Variants in COL10A1 observed in about 807,000 individuals in gnomAD.
COL10A1 encodes the protein collagen alpha-1(X) chain.
A neutral mutation model predicts 18.2 loss-of-function variants in COL10A1; 10 were observed. That is an observed-to-expected ratio of 0.55 (90% CI 0.34 to 0.93). COL10A1 has a LOEUF of 0.93. COL10A1 is among the 40% of genes least tolerant of loss of function. The pLI is 0.02. For missense variants in COL10A1, 897 were observed against 853.5 expected (o/e 1.05, Z -0.64); for synonymous variants, 330 against 316.6 (o/e 1.04, Z -0.45).
upstream of COL10A1, among the ~76,000 whole-genome samples, chr6:116,128,714 G>A (rs1420024110): frequency 6.6e-6 from 1 of 152,006 alleles, no homozygotes; most frequent in Non-Finnish European, 1.5e-5. Context: ...CCCCACTCCT[G>A]CTGTCCTGAG....
the COL10A1 span, among the ~76,000 whole-genome samples, chr6:116,180,797 G>A: frequency 6.6e-6 from 1 of 152,036 alleles, no homozygotes; most frequent in Non-Finnish European, 1.5e-5. Flanking sequence ...AAAGAAAAAA[G>A]AATGAAGGAG....
At chr6:116,129,152 T>G (rs913234142), upstream of COL10A1, among the ~76,000 whole-genome samples, 12 of 152,182 alleles carry the variant, frequency 7.9e-5, no homozygotes, top group Admixed American at 7.9e-4. Flanking sequence ...GTCATCATCG[T>G]ATTAAAAAAT....
the COL10A1 span, among the ~76,000 whole-genome samples, chr6:116,198,193 G>A: frequency 6.6e-6 from 1 of 152,052 alleles, no homozygotes; most frequent in Non-Finnish European, 1.5e-5. Flanking sequence ...ACTGAGTAGT[G>A]AACAACAGTT....
upstream of COL10A1, among the ~76,000 whole-genome samples, chr6:116,128,314 T>G (rs891969036): frequency 1.3e-5 from 2 of 152,156 alleles, no homozygotes; most frequent in Non-Finnish European, 2.9e-5. Context: ...CAAAACAGAT[T>G]GTAGAATCAG....
intron 1 of COL10A1, among the ~76,000 whole-genome samples, chr6:116,144,654 T>A (rs1779850844): frequency 6.6e-6 from 1 of 152,200 alleles, no homozygotes; most frequent in Admixed American, 6.5e-5. Context: ...AAACGGACTC[T>A]TAGATTTTAT....
chr6:116,174,275 A>T, the COL10A1 span, among the ~76,000 whole-genome samples: 36 of 152,278 alleles, frequency 2.4e-4, no homozygotes, highest in African/African-American at 8.7e-4. Flanking sequence ...CACTCTCAAG[A>T]GTGACGGGTA....
At chr6:116,147,625 C>G (rs1562138539) in intron 1 of COL10A1, among the ~76,000 whole-genome samples, 1 of 151,972 alleles carries the variant, frequency 6.6e-6, no homozygotes, top group Non-Finnish European at 1.5e-5. Flanking sequence ...TAAACCTATG[C>G]AAAGATTTAG....
chr6:116,145,349 G>T (rs1268105692), intron 1 of COL10A1: 5 of 266,170 alleles, frequency 1.9e-5, no homozygotes, highest in Non-Finnish European at 2.6e-5. Context: ...TCTATGAAAT[G>T]CTAAAAAAAA....
Position 116,120,408 on chromosome 6 carries a change from G to T in COL10A1, c.1708C>A (p.Pro570Thr), listed in dbSNP as rs763199318. 4.4e-5 allele frequency: 71 copies of T among 1,614,166 alleles called. No individual in the cohort carries two copies. Among genetic ancestry groups the T allele is most frequent in the Non-Finnish European group, 5.9e-5 (70 of 1,180,056 alleles). The change falls in exon 3 of 3, where the codon CCA becomes ACA. Residue 570 changes from proline (P) to threonine (T), a missense_variant. Coordinates refer to ENST00000651968, the MANE Select transcript of COL10A1 (RefSeq NM_000493.4). ...KAYPAIGTPIPFDKILYNRQQ... is the reference protein window; with the variant it reads ...KAYPAIGTPITFDKILYNRQQ... The stretch of plus-strand genomic sequence containing the variant: ...CTGTTATACAAAATTTTATCAAATG[G>T]TATGGGAGTTCCTATTGCTGGGTAA...
chr6:116,193,177 G>A, the COL10A1 span, among the ~76,000 whole-genome samples: 3 of 151,938 alleles, frequency 2.0e-5, no homozygotes, highest in Non-Finnish European at 4.4e-5. Context: ...TGGCCTTTTA[G>A]TTTATTTGTG....
In COL10A1 at chr6:116,121,902, C is replaced by T; in HGVS notation, c.214G>A (p.Gly72Arg). The T allele has an allele frequency of 1.2e-6, 2 of 1,613,900 alleles. No homozygotes were observed. The highest frequency in any genetic ancestry group is 1.7e-6 in the Non-Finnish European group (2 of 1,179,996). The change falls in exon 3 of 3, where the codon GGG becomes AGG. Residue 72 changes from glycine to arginine, a missense_variant. Transcript: ENST00000651968. ...GGTGGTCCAGAAGGACCTGGGTGCCCTCGAGGTCCAGCAGGGCCTGGTGGA... is the reference window on the plus strand; with the variant it reads ...GGTGGTCCAGAAGGACCTGGGTGCCTTCGAGGTCCAGCAGGGCCTGGTGGA... ...PGPPGPAGPR[G>R]HPGPSGPPGK... is the part of the protein sequence containing the mutation.
At chr6:116,129,970 C>CTTTA (rs1383379575), upstream of COL10A1, among the ~76,000 whole-genome samples, 2 of 152,098 alleles carry the variant, frequency 1.3e-5, no homozygotes, top group African/African-American at 4.8e-5. Flanking sequence ...GGCAAGAACC[C>CTTTA]TTTACAGAGA....
At chr6:116,130,375 T>C (rs1340879625), upstream of COL10A1, among the ~76,000 whole-genome samples, 1 of 152,142 alleles carries the variant, frequency 6.6e-6, no homozygotes, top group Non-Finnish European at 1.5e-5. Context: ...TCAGAATTTT[T>C]TCCCCATTTT....
upstream of COL10A1, among the ~76,000 whole-genome samples, chr6:116,127,404 ATTG>A (rs1163122790): frequency 2.0e-5 from 3 of 152,200 alleles, no homozygotes; most frequent in African/African-American, 7.2e-5. Flanking sequence ...AAAAATTTAC[ATTG>A]TTGTATATAT....
At chr6:116,170,137 T>C in the COL10A1 span, among the ~76,000 whole-genome samples, 2 of 152,156 alleles carry the variant, frequency 1.3e-5, no homozygotes, top group African/African-American at 2.4e-5. Flanking sequence ...GAAGTGGATA[T>C]GGCCAGTGTC....
rs533228371 is a variant in COL10A1, at chr6:116,143,251, G to A, written c.-16+15363C>T. Among the ~76,000 whole-genome samples, 15 of 151,836 alleles carry A rather than the reference G, an allele frequency of 9.9e-5. No homozygotes were observed. The South Asian group carries it at 1.7e-3, about 17-fold the overall frequency. ...TTTTGAGACAGAGTCTTGCTCTGTC[G>A]CCAGACTGGAGTGCAGTGGCGCGAT... On this transcript the variant is annotated intron_variant, in intron 1 of 1. Transcript: ENST00000418500.
rs537732214 is a variant in COL10A1, at chr6:116,120,700, G to A, written c.1416C>T (p.Pro472=). 1.2e-5 allele frequency: 19 copies of A among 1,554,412 alleles called. No individual in the cohort carries two copies. Among genetic ancestry groups the A allele is most frequent in the African/African-American group, 8.3e-5 (6 of 72,404 alleles). Residue 472 remains proline (P), a synonymous_variant, in exon 3 of 3, where the codon CCC becomes CCT. Coordinates refer to ENST00000651968, the MANE Select transcript of COL10A1 (RefSeq NM_000493.4). ...CTATGCCAGCTGGGCCAGGAGGACC[G>A]GGACTTCCTGGATCCCCTTTAGACC... The part of the protein sequence containing the change: ...FPGSKGDPGS[P]GPPGPAGIAT...
chr6:116,204,118 G>A, the COL10A1 span, among the ~76,000 whole-genome samples: 1,616 of 152,018 alleles, frequency 0.011, 16 homozygotes, highest in Middle Eastern at 0.024. Context: ...GGGTAAGGGA[G>A]AGGACGATGC....
At chr6:116,125,812 A>G (rs1779285105) in intron 1 of COL10A1, 1 of 243,826 alleles carries the variant, frequency 4.1e-6, no homozygotes, top group Non-Finnish European at 8.1e-6. Flanking sequence ...ATAGCCTGAA[A>G]TATCTAATAG....
Sources: gnomAD v4.1 joint callset for allele counts (sites outside exome capture counted in the v4.1 genomes callset) on GRCh38, gnomAD v4.1.1 for gene constraint, MANE v1.5 for transcripts, NCBI Gene and HGNC (gene_info 2026-07-23, HGNC 2026-07-21) for gene names.